Variants in RBM18 observed in about 807,000 individuals in gnomAD.
RBM18 encodes RNA binding motif protein 18, also known as probable RNA-binding protein 18.
A neutral mutation model predicts 26.4 loss-of-function variants in RBM18; 18 were observed. The observed-to-expected ratio is 0.68, with a 90% confidence interval of 0.47 to 1.01. The LOEUF is 1.01. Among genes scored for constraint, RBM18 ranks in the 50% least tolerant of loss-of-function variants. The probability of loss-of-function intolerance (pLI) is 0.00; values close to 1 mark genes in which losing one functional copy is unlikely to be tolerated. For missense variants in RBM18, 180 were observed against 219.2 expected (o/e 0.82, Z 1.13); for synonymous variants, 74 against 81.1 (o/e 0.91, Z 0.47).
chr9:122,244,043 C>G (rs1297448018), intron 5 of RBM18, among the ~76,000 whole-genome samples: 1 of 152,102 alleles, frequency 6.6e-6, no homozygotes, highest in African/African-American at 2.4e-5. Context: ...GGAAATCAAT[C>G]TGTGATCAAG....
chr9:122,258,925 A>AG (rs1462053842), intron 2 of RBM18, among the ~76,000 whole-genome samples: 1 of 138,822 alleles, frequency 7.2e-6, no homozygotes, highest in African/African-American at 2.6e-5. Context: ...AAAAAAAAAA[A>AG]AGAAGAAGAA....
chr9:122,244,509 G>T (rs1202616485), intron 5 of RBM18, among the ~76,000 whole-genome samples: 1 of 152,170 alleles, frequency 6.6e-6, no homozygotes, highest in African/African-American at 2.4e-5. Context: ...AATAGACCTG[G>T]CTTTAAATCC....
chr9:122,258,117 T>C (rs1450117120), intron 2 of RBM18, among the ~76,000 whole-genome samples: 1 of 152,204 alleles, frequency 6.6e-6, no homozygotes, highest in Non-Finnish European at 1.5e-5. Flanking sequence ...CCAGAAGTTT[T>C]TGTATTTCAA....
Position 122,245,150 on chromosome 9 carries a change from A to G in RBM18, c.413+106T>C. On this transcript the variant is annotated intron_variant, in intron 5 of 5. Coordinates refer to ENST00000417201, the MANE Select transcript of RBM18 (RefSeq NM_033117.4). ...TGAACATCTCTCTTGTCAAGTTAATAAATTCTAAGAGTCTGAAGACTCACT... is the reference window on the plus strand; with the variant it reads ...TGAACATCTCTCTTGTCAAGTTAATGAATTCTAAGAGTCTGAAGACTCACT... The G allele has an allele frequency of 8.5e-6, 6 of 704,822 alleles. No individual in the cohort carries two copies. In the Admixed American group the frequency reaches 9.4e-5, roughly 11 times the overall value. 43.7% of individuals were successfully genotyped at this position (704,822 alleles called of 1,614,324 possible).
At chr9:122,245,467 C>G in intron 4 of RBM18, 126 bp from the exon 5 acceptor site, 1 of 546,418 alleles carries the variant, frequency 1.8e-6, no homozygotes, top group Non-Finnish European at 3.2e-6. Context: ...TTTAGGACCA[C>G]TTTACACTTA....
At chr9:122,246,006 C>T (rs1831500822) in intron 4 of RBM18, among the ~76,000 whole-genome samples, 1 of 151,960 alleles carries the variant, frequency 6.6e-6, no homozygotes, top group Non-Finnish European at 1.5e-5. Flanking sequence ...AACAAAAAAC[C>T]TTTAAATTTT....
At chr9:122,251,807 G>A (rs1241105894) in intron 3 of RBM18, 40 bp downstream of exon 3, 1 of 1,579,066 alleles carries the variant, frequency 6.3e-7, no homozygotes, top group Admixed American at 1.7e-5. Context: ...TTATGACAGA[G>A]CTTGATAAAT....
chr9:122,247,646 C>T (rs1831525825), intron 3 of RBM18, 42 bp from the exon 4 acceptor site: 1 of 1,444,924 alleles, frequency 6.9e-7, no homozygotes, highest in Admixed American at 1.7e-5. Context: ...AACTGAAATG[C>T]TTAACTAGCT....
intron 5 of RBM18, among the ~76,000 whole-genome samples, chr9:122,244,955 C>T (rs995901506): frequency 6.6e-6 from 1 of 152,088 alleles, no homozygotes; most frequent in African/African-American, 2.4e-5. Flanking sequence ...TATTAAAATG[C>T]TTGTTTTTAG....
intron 2 of RBM18, among the ~76,000 whole-genome samples, chr9:122,256,771 T>C (rs912043067): frequency 6.6e-6 from 1 of 152,196 alleles, no homozygotes; most frequent in Non-Finnish European, 1.5e-5. Flanking sequence ...TCCTATATAA[T>C]AGGGAAAATA....
chr9:122,247,965 T>A (rs918846681), intron 3 of RBM18, among the ~76,000 whole-genome samples: 1 of 152,074 alleles, frequency 6.6e-6, no homozygotes, highest in South Asian at 2.1e-4. Flanking sequence ...TTTTGTATTT[T>A]TTAGTAGAGA....
intron 4 of RBM18, 26 bp downstream of exon 4, chr9:122,247,492 A>T: frequency 6.3e-7 from 1 of 1,597,784 alleles, no homozygotes; most frequent in Non-Finnish European, 8.6e-7. Flanking sequence ...ATGAGGCTTG[A>T]TGTCTTTCTA....
In RBM18 at chr9:122,247,531, T is replaced by C. The variant is rs1183161411; in HGVS notation, c.314A>G (p.His105Arg). The C allele has an allele frequency of 3.1e-6, 5 of 1,613,936 alleles. No individual in the cohort carries two copies. The highest frequency in any genetic ancestry group is 4.5e-5 in the East Asian group (2 of 44,854). The change falls in exon 4 of 6, where the codon CAT (histidine) becomes CGT (arginine). Residue 105 changes from histidine (H) to arginine (R), a missense_variant. This residue lies in a region of RBM18 where 103 missense variants were observed against 102.8 expected (regional missense o/e 1.00). Transcript: ENST00000417201. ...TCTCAGACGTACCTTTACTTGAGCA[T>C]GTGCCCATCGCACCACCAGCTTCTT... is the stretch of plus-strand genomic sequence containing the variant. ...LSKKLVVRWA[H>R]AQVKRYDHNK...
At chr9:122,248,457 G>A (rs1831541732) in intron 3 of RBM18, among the ~76,000 whole-genome samples, 1 of 152,172 alleles carries the variant, frequency 6.6e-6, no homozygotes, top group East Asian at 1.9e-4. Flanking sequence ...GATTCATAGT[G>A]AGGAATAATT....
At chr9:122,243,627 G>T in intron 5 of RBM18, 1 of 650,318 alleles carries the variant, frequency 1.5e-6, no homozygotes, top group Non-Finnish European at 1.9e-6. Flanking sequence ...ATGGTCTATG[G>T]CCAGTGAGAG....
In RBM18 at chr9:122,255,871, T is replaced by C. The variant is rs553705866; in HGVS notation, c.114-3898A>G. ...AAAATTAGCTGAGTGTGGTGGCACATGCCTGTACTCCCAGCTACTCGGGAG... is the reference window on the plus strand; with the variant it reads ...AAAATTAGCTGAGTGTGGTGGCACACGCCTGTACTCCCAGCTACTCGGGAG... On this transcript the variant is annotated intron_variant, in intron 2 of 5. Coordinates refer to ENST00000417201, the MANE Select transcript of RBM18 (RefSeq NM_033117.4). Among the ~76,000 whole-genome samples, 15 of 152,240 alleles carry C rather than the reference T, an allele frequency of 9.9e-5. No individual in the cohort carries two copies. The East Asian group carries it at 2.7e-3, about 27-fold the overall frequency.
chr9:122,262,078 C>A (rs1012401165), intron 1 of RBM18, among the ~76,000 whole-genome samples: 2 of 152,064 alleles, frequency 1.3e-5, no homozygotes, highest in Non-Finnish European at 2.9e-5. Flanking sequence ...TCCTCATTAT[C>A]TAGAGAGATA....
chr9:122,260,825 G>A (rs973581214), intron 2 of RBM18, among the ~76,000 whole-genome samples: 5 of 152,114 alleles, frequency 3.3e-5, no homozygotes, highest in African/African-American at 1.2e-4. Flanking sequence ...TCTAAGACAG[G>A]GTTCTTCAGA....
chr9:122,256,663 G>C (rs1831702431), intron 2 of RBM18, among the ~76,000 whole-genome samples: 1 of 152,160 alleles, frequency 6.6e-6, no homozygotes, highest in Non-Finnish European at 1.5e-5. Flanking sequence ...GGTTGTGACT[G>C]TTCAAAAATT....
Sources: gnomAD v4.1 joint callset for allele counts (sites outside exome capture counted in the v4.1 genomes callset) on GRCh38, gnomAD v4.1.1 for gene constraint, gnomAD v4.1.1 regional missense constraint, MANE v1.5 for transcripts, NCBI Gene and HGNC (gene_info 2026-07-23, HGNC 2026-07-21) for gene names.